ABI3BP: variants seen among roughly 807,000 people sequenced by gnomAD.
ABI3BP encodes target of Nesh-SH3.
In ABI3BP, 216 loss-of-function variants were observed where a neutral mutation model predicts 268.6. The ratio of observed to expected loss-of-function variants is 0.80; its 90% confidence interval spans 0.72 to 0.90. The LOEUF is 0.90. Among genes scored for constraint, ABI3BP ranks in the 40% least tolerant of loss-of-function variants. The pLI is 0.00. For missense variants in ABI3BP, 2,090 were observed against 2,182.4 expected, an observed-to-expected ratio of 0.96 and a Z score of 0.84; for synonymous variants, 730 against 730.0, an observed-to-expected ratio of 1.00 and a Z score of 0.00.
At chr3:100,781,715 G>A (rs1321975507) in intron 57 of ABI3BP, among the ~76,000 whole-genome samples, 1 of 152,190 alleles carries the variant, frequency 6.6e-6, no homozygotes, top group Admixed American at 6.5e-5. Context: ...CTAGTAGGCT[G>A]TCTTGAGTAG....
intron 60 of ABI3BP, 135 bp downstream of exon 60, chr3:100,775,072 T>G (rs2096661949): frequency 1.9e-6 from 2 of 1,076,962 alleles, no homozygotes; most frequent in Non-Finnish European, 2.6e-6. Flanking sequence ...ATTTTAAAAT[T>G]AAAAACAACC....
intron 7 of ABI3BP, 103 bp downstream of exon 7, chr3:100,876,409 A>C: frequency 9.1e-7 from 1 of 1,093,326 alleles, no homozygotes; most frequent in South Asian, 1.5e-5. Context: ...TCTCAAAAAA[A>C]AAATCAATTA....
chr3:100,902,525 C>T, intron 3 of ABI3BP, 93 bp downstream of exon 3: 4 of 1,148,364 alleles, frequency 3.5e-6, no homozygotes, highest in Non-Finnish European at 5.1e-6. Flanking sequence ...CTTAAAGCTT[C>T]TCAAGGCATT....
intron 53 of ABI3BP, 64 bp from the exon 54 acceptor site, chr3:100,795,067 G>A (rs2097304671): frequency 3.0e-6 from 3 of 993,254 alleles, no homozygotes; most frequent in South Asian, 5.2e-5. Context: ...AGACCAGATT[G>A]GTATTACATG....
chr3:100,948,457 G>A (rs1276654591), intron 1 of ABI3BP, among the ~76,000 whole-genome samples: 1 of 152,208 alleles, frequency 6.6e-6, no homozygotes. Context: ...ACTGCAAACA[G>A]AATGTGTTAC....
chr3:100,864,669 C>A, intron 11 of ABI3BP, 164 bp downstream of exon 11: 1 of 589,766 alleles, frequency 1.7e-6, no homozygotes, highest in South Asian at 2.3e-5. Context: ...TCAGTGGAAT[C>A]TGTCCAAGAA....
intron 29 of ABI3BP, among the ~76,000 whole-genome samples, chr3:100,834,373 G>GCTA (rs2098543510): frequency 6.6e-6 from 1 of 152,070 alleles, no homozygotes; most frequent in Non-Finnish European, 1.5e-5. Context: ...CAAAATGTGT[G>GCTA]ACAGGTTGAA....
In ABI3BP at chr3:100,811,804, G is replaced by A. The variant is rs1457516803; in HGVS notation, c.3422-5C>T. 6.5e-7 allele frequency: 1 copy of A among 1,535,240 alleles called. No homozygotes were observed. Among genetic ancestry groups the A allele is most frequent in the Non-Finnish European group, 8.7e-7 (1 of 1,146,266 alleles). ...CATAGTCTGTTTTGGCTGGTGCTAG[G>A]GAAGAAACGGGAATGGCTGGTTAGT... On this transcript the variant is annotated splice_region_variant and splice_polypyrimidine_tract_variant and intron_variant, in intron 46 of 67. Coordinates refer to ENST00000471714, the MANE Select transcript of ABI3BP (RefSeq NM_001375547.2).
chr3:100,765,990 C>G lies in ABI3BP; in HGVS notation c.4742-41G>C, dbSNP rs1005650103. On this transcript the variant is annotated intron_variant, in intron 62 of 67. Coordinates refer to ENST00000471714, the MANE Select transcript of ABI3BP (RefSeq NM_001375547.2). ...AGCCAACAGATACTTGTTTTTATTT[C>G]TTGGCTGACTTAATTGCTCCTGAAG... 2.1e-6 allele frequency: 3 copies of G among 1,454,146 alleles called. No homozygotes were observed. The African/African-American group carries it at 4.2e-5, about 20-fold the overall frequency. 90.1% of individuals were successfully genotyped at this position (1,454,146 alleles called of 1,614,324 possible).
At position 100,750,389 on chromosome 3, in the gene ABI3BP, T is replaced by C; in HGVS notation, c.*106A>G. The C allele has an allele frequency of 1.3e-6, 1 of 753,068 alleles. No homozygotes were observed. The highest frequency in any genetic ancestry group is 1.8e-5 in the African/African-American group (1 of 56,094). 46.6% of individuals were successfully genotyped at this position (753,068 alleles called of 1,614,324 possible). A position where few individuals can be genotyped will look rare whatever the true frequency, so the allele number is the denominator to read the frequency against. On this transcript the variant is annotated 3_prime_UTR_variant, in exon 68 of 68. Coordinates refer to ENST00000471714, the MANE Select transcript of ABI3BP (RefSeq NM_001375547.2). Reference sequence around the variant, plus strand: ...TCTAGTATTGCTATTAATTAGATTGTAGACTTTTATACATAGTAAACAAAA... The same window carrying C: ...TCTAGTATTGCTATTAATTAGATTGCAGACTTTTATACATAGTAAACAAAA...
intron 14 of ABI3BP, among the ~76,000 whole-genome samples, chr3:100,858,253 T>C (rs1171082245): frequency 6.6e-6 from 1 of 152,226 alleles, no homozygotes; most frequent in Admixed American, 6.5e-5. Flanking sequence ...TCAAAATCAA[T>C]CAATTTCATT....
At chr3:100,791,804 T>C (rs2097204468) in intron 55 of ABI3BP, among the ~76,000 whole-genome samples, 2 of 151,950 alleles carry the variant, frequency 1.3e-5, no homozygotes, top group South Asian at 2.1e-4. Context: ...CGTTTACTTG[T>C]AATAAATATT....
At chr3:100,954,719 T>C (rs1350678125) in intron 1 of ABI3BP, among the ~76,000 whole-genome samples, 3 of 152,116 alleles carry the variant, frequency 2.0e-5, no homozygotes, top group Admixed American at 2.0e-4. Flanking sequence ...ATAATCTTAG[T>C]GTGAAAATCT....
At chr3:100,902,898 T>G (rs183402402) in intron 2 of ABI3BP, among the ~76,000 whole-genome samples, 1 of 152,262 alleles carries the variant, frequency 6.6e-6, no homozygotes, top group Admixed American at 6.5e-5. Context: ...CCAAACCAAA[T>G]GGGCAAGGGT....
intron 1 of ABI3BP, among the ~76,000 whole-genome samples, chr3:100,946,186 C>T (rs1584488583): frequency 1.3e-5 from 2 of 151,584 alleles, no homozygotes; most frequent in South Asian, 4.2e-4. Flanking sequence ...GCCTGGGCAA[C>T]ATGGTGAAAC....
At chr3:100,779,807 C>T (rs2096815914) in intron 58 of ABI3BP, among the ~76,000 whole-genome samples, 1 of 152,072 alleles carries the variant, frequency 6.6e-6, no homozygotes, top group Admixed American at 6.6e-5. Context: ...AAGAGCAGAA[C>T]TTAAAACATG....
chr3:100,821,516 A>G (rs1178362748), intron 38 of ABI3BP, among the ~76,000 whole-genome samples: 1 of 151,996 alleles, frequency 6.6e-6, no homozygotes, highest in Non-Finnish European at 1.5e-5. Flanking sequence ...CTGCTCCATC[A>G]AGGACCTAGG....
At chr3:100,984,355 G>C (rs1206012149) in intron 1 of ABI3BP, among the ~76,000 whole-genome samples, 3 of 152,148 alleles carry the variant, frequency 2.0e-5, no homozygotes, top group African/African-American at 7.2e-5. Context: ...TATGTCATAG[G>C]TGAGATGTGA....
intron 57 of ABI3BP, among the ~76,000 whole-genome samples, chr3:100,786,370 T>C (rs781095024): frequency 1.3e-5 from 2 of 152,198 alleles, no homozygotes; most frequent in African/African-American, 2.4e-5. Flanking sequence ...ACTTTATGTA[T>C]ATAAGAAGGT....
Sources: allele counts gnomAD v4.1 joint callset (sites outside exome capture counted in the v4.1 genomes callset), GRCh38; gene constraint gnomAD v4.1.1; transcripts MANE v1.5; gene names NCBI Gene and HGNC (gene_info 2026-07-23, HGNC 2026-07-21).